Variants in IL34 observed in about 807,000 individuals in gnomAD.
IL34 encodes interleukin-34.
Under a neutral mutation model 25.3 loss-of-function variants are expected in IL34, and 17 were observed. The observed-to-expected ratio is 0.67, with a 90% CI of 0.46 to 1.01. The LOEUF (loss-of-function observed/expected upper bound fraction) is 1.01, where lower values mean the gene tolerates loss of function less well. Among genes scored for constraint, IL34 ranks in the 50% least tolerant of loss-of-function variants. The pLI is 0.00. For synonymous variants in IL34, 174 were observed against 140.9 expected (o/e 1.23, Z -1.66); for missense variants, 368 against 312.9 (o/e 1.18, Z -1.33).
chr16:70,627,807 T>A (rs868338724), intron 1 of IL34, among the ~76,000 whole-genome samples: 23 of 152,300 alleles, frequency 1.5e-4, no homozygotes, highest in African/African-American at 4.3e-4. Context: ...TGTGTTTTTT[T>A]AAAAAACTTT....
At chr16:70,583,502 AGCC>A (rs2050658370) in intron 1 of IL34, among the ~76,000 whole-genome samples, 1 of 152,202 alleles carries the variant, frequency 6.6e-6, no homozygotes, top group South Asian at 2.1e-4. Context: ...GTATGCCTCC[AGCC>A]TTCCCCTGCA....
At chr16:70,625,385 G>T (rs1407649806) in intron 1 of IL34, among the ~76,000 whole-genome samples, 4 of 152,074 alleles carry the variant, frequency 2.6e-5, no homozygotes, top group Admixed American at 1.3e-4. Context: ...AAGAGGTTGG[G>T]GTGCGGAAAT....
At chr16:70,655,302 C>T (rs552248796) in intron 2 of IL34, among the ~76,000 whole-genome samples, 57 of 152,252 alleles carry the variant, frequency 3.7e-4, no homozygotes, top group African/African-American at 1.1e-3. Flanking sequence ...CCGCCTGCCT[C>T]AGCCTCCCAA....
chr16:70,639,924 C>G (rs1336679479), intron 1 of IL34, among the ~76,000 whole-genome samples: 2 of 151,872 alleles, frequency 1.3e-5, no homozygotes, highest in Non-Finnish European at 2.9e-5. Context: ...CGCCTCTGCA[C>G]TCCAGCCTGG....
chr16:70,658,410 G>T (rs2052290170), intron 4 of IL34, among the ~76,000 whole-genome samples: 1 of 152,096 alleles, frequency 6.6e-6, no homozygotes, highest in Non-Finnish European at 1.5e-5. Context: ...GGCCTCAAGT[G>T]ATCTTTCTGC....
At chr16:70,649,369 C>T (rs1416964177) in intron 1 of IL34, among the ~76,000 whole-genome samples, 1 of 152,160 alleles carries the variant, frequency 6.6e-6, no homozygotes, top group African/African-American at 2.4e-5. Context: ...ACTTTTGGGA[C>T]ATTGGGTCAT....
chr16:70,653,253 C>T (rs1053388561), intron 1 of IL34, among the ~76,000 whole-genome samples: 7 of 151,536 alleles, frequency 4.6e-5, no homozygotes, highest in African/African-American at 1.7e-4. Context: ...TGGCACATGC[C>T]TCTCATCCCA....
intron 1 of IL34, among the ~76,000 whole-genome samples, chr16:70,641,163 G>T (rs919504911): frequency 6.6e-6 from 1 of 152,042 alleles, no homozygotes; most frequent in Non-Finnish European, 1.5e-5. Context: ...AATCATAGCT[G>T]CTTGGGAGGC....
intron 1 of IL34, among the ~76,000 whole-genome samples, chr16:70,629,924 T>C (rs775254625): frequency 1.3e-5 from 2 of 152,122 alleles, no homozygotes; most frequent in Non-Finnish European, 2.9e-5. Context: ...AGTCACCCTG[T>C]TGTGTTATCA....
At chr16:70,631,619 C>T (rs990039040) in intron 1 of IL34, among the ~76,000 whole-genome samples, 6 of 152,068 alleles carry the variant, frequency 3.9e-5, no homozygotes, top group African/African-American at 1.4e-4. Flanking sequence ...GACTCACTTC[C>T]CTAGTTTTTC....
At chr16:70,654,809 C>G (rs1244028932) in intron 2 of IL34, 138 bp downstream of exon 2, 3 of 1,123,744 alleles carry the variant, frequency 2.7e-6, no homozygotes, top group Non-Finnish European at 3.7e-6. Context: ...TGCCTTTCTC[C>G]GAAACCTACC....
At chr16:70,587,955 C>T (rs2050713777) in intron 1 of IL34, among the ~76,000 whole-genome samples, 2 of 152,190 alleles carry the variant, frequency 1.3e-5, no homozygotes, top group East Asian at 1.9e-4. Context: ...ATGAGAATCA[C>T]TTGAACCCAG....
intron 1 of IL34, among the ~76,000 whole-genome samples, chr16:70,630,402 T>G (rs546003568): frequency 2.2e-4 from 34 of 151,842 alleles, no homozygotes; most frequent in African/African-American, 7.5e-4. Flanking sequence ...TGGCTAAGTT[T>G]TGTATTTTTA....
At chr16:70,652,783 G>T (rs1384298814) in intron 1 of IL34, among the ~76,000 whole-genome samples, 3 of 152,136 alleles carry the variant, frequency 2.0e-5, no homozygotes, top group Non-Finnish European at 4.4e-5. Context: ...CATTTTTAAG[G>T]CTTAGTGGTT....
At chr16:70,596,617 C>G (rs1417525678) in intron 1 of IL34, among the ~76,000 whole-genome samples, 1 of 152,202 alleles carries the variant, frequency 6.6e-6, no homozygotes, top group Non-Finnish European at 1.5e-5. Flanking sequence ...GCATATGCCT[C>G]TCTGTACCCG....
intron 1 of IL34, among the ~76,000 whole-genome samples, chr16:70,608,806 C>G (rs2051049121): frequency 1.3e-5 from 2 of 152,146 alleles, no homozygotes; most frequent in South Asian, 4.1e-4. Flanking sequence ...AGACTTGCAC[C>G]TCAGCCTCAC....
chr16:70,638,765 A>G (rs946914137), intron 1 of IL34, among the ~76,000 whole-genome samples: 2 of 152,074 alleles, frequency 1.3e-5, no homozygotes, highest in Non-Finnish European at 2.9e-5. Flanking sequence ...AATTATTTGT[A>G]GAGATTAGGT....
chr16:70,623,505 T>G (rs150452821), intron 1 of IL34, among the ~76,000 whole-genome samples: 1 of 152,194 alleles, frequency 6.6e-6, no homozygotes, highest in African/African-American at 2.4e-5. Flanking sequence ...TAACAGGCTT[T>G]AATCCTTTCA....
intron 1 of IL34, among the ~76,000 whole-genome samples, chr16:70,601,416 C>G (rs1172153120): frequency 6.6e-6 from 1 of 151,992 alleles, no homozygotes; most frequent in East Asian, 1.9e-4. Context: ...CTGATTCCTT[C>G]TTTTTCTTTT....
Sources: gnomAD v4.1 joint callset for allele counts (sites outside exome capture counted in the v4.1 genomes callset) on GRCh38, gnomAD v4.1.1 for gene constraint, MANE v1.5 for transcripts, NCBI Gene and HGNC (gene_info 2026-07-23, HGNC 2026-07-21) for gene names.